FGF14: variants seen among roughly 807,000 people sequenced by gnomAD.
FGF14 encodes fibroblast growth factor 14.
FGF14 carries 5 observed loss-of-function variants against 25.5 expected under a neutral mutation model. The ratio of observed to expected loss-of-function variants is 0.20; its 90% confidence interval spans 0.10 to 0.41. The LOEUF is 0.41. FGF14 is among the 10% of genes least tolerant of loss of function. FGF14 has a pLI of 1.00. For missense variants in FGF14, 222 were observed against 320.1 expected (o/e 0.69, Z 2.34); for synonymous variants, 138 against 118.3 (o/e 1.17, Z -1.08).
chr13:102,017,961 A>G (rs777310070), intron 1 of FGF14, among the ~76,000 whole-genome samples: 1 of 152,034 alleles, frequency 6.6e-6, no homozygotes, highest in Non-Finnish European at 1.5e-5. Flanking sequence ...TCAAATTTCC[A>G]ATCTCCTTTT....
chr13:102,102,496 C>G (rs1390713972), intron 1 of FGF14, among the ~76,000 whole-genome samples: 1 of 152,138 alleles, frequency 6.6e-6, no homozygotes, highest in African/African-American at 2.4e-5. Context: ...GGAGTAGGAG[C>G]TTTTGCCCAA....
intron 1 of FGF14, among the ~76,000 whole-genome samples, chr13:102,229,636 T>A (rs2050988141): frequency 6.6e-6 from 1 of 152,160 alleles, no homozygotes; most frequent in South Asian, 2.1e-4. Context: ...CCCTCTCTAG[T>A]CCCTCCTCAG....
At chr13:101,957,496 C>T (rs193258093) in intron 1 of FGF14, among the ~76,000 whole-genome samples, 1 of 152,270 alleles carries the variant, frequency 6.6e-6, no homozygotes, top group East Asian at 1.9e-4. Context: ...GTATGGTCCC[C>T]AGACCAACAG....
chr13:102,236,625 C>T (rs2051338364), intron 1 of FGF14, among the ~76,000 whole-genome samples: 1 of 152,118 alleles, frequency 6.6e-6, no homozygotes, highest in Non-Finnish European at 1.5e-5. Context: ...GCCTGGTTTC[C>T]CTCCCCCAGG....
chr13:102,347,649 A>G (rs2057151259), intron 1 of FGF14, among the ~76,000 whole-genome samples: 1 of 152,200 alleles, frequency 6.6e-6, no homozygotes, highest in Non-Finnish European at 1.5e-5. Flanking sequence ...CCTGGCCATG[A>G]AACACACCTA....
chr13:101,954,738 G>T (rs73567900), intron 1 of FGF14, among the ~76,000 whole-genome samples: 2,223 of 152,304 alleles, frequency 0.015, 58 homozygotes, highest in African/African-American at 0.051. Flanking sequence ...GCACGAGTGT[G>T]TGCACATGCA....
At chr13:102,067,953 C>A (rs565614895) in intron 1 of FGF14, among the ~76,000 whole-genome samples, 1 of 152,062 alleles carries the variant, frequency 6.6e-6, no homozygotes, top group African/African-American at 2.4e-5. Flanking sequence ...CACTCCAATA[C>A]GTCTGGCAGC....
chr13:101,833,727 C>T (rs113453352), intron 3 of FGF14, among the ~76,000 whole-genome samples: 31 of 152,178 alleles, frequency 2.0e-4, no homozygotes, highest in African/African-American at 6.3e-4. Context: ...CTAGTTTGCA[C>T]ACAGTTCAAA....
At chr13:102,222,845 G>A (rs2050674742) in intron 1 of FGF14, among the ~76,000 whole-genome samples, 1 of 152,068 alleles carries the variant, frequency 6.6e-6, no homozygotes, top group South Asian at 2.1e-4. Flanking sequence ...GTCCTCTAAG[G>A]GAATCTGTCC....
In FGF14 at chr13:101,715,719, G is replaced by A; in HGVS notation, c.*7112C>T. 1 of 1,028,864 alleles carries A rather than the reference G, an allele frequency of 9.7e-7. No individual in the cohort carries two copies. The highest frequency in any genetic ancestry group is 1.5e-6 in the Non-Finnish European group (1 of 646,936). The allele number at this position is 1,028,864 out of a possible 1,614,324, so 63.7% of individuals were successfully genotyped here. A position where few individuals can be genotyped will look rare whatever the true frequency, so the allele number is the denominator to read the frequency against. On this transcript the variant is annotated 3_prime_UTR_variant, in exon 5 of 5. Transcript: ENST00000376143. ...GCCATTAGAACAGATAAATGCGAAGGAAACCATGTATATTCACCACTAGGA... is the reference window on the plus strand; with the variant it reads ...GCCATTAGAACAGATAAATGCGAAGAAAACCATGTATATTCACCACTAGGA...
At chr13:102,328,172 T>G (rs986566220) in intron 1 of FGF14, among the ~76,000 whole-genome samples, 2 of 152,180 alleles carry the variant, frequency 1.3e-5, no homozygotes, top group African/African-American at 4.8e-5. Context: ...GTACTTGAAT[T>G]TTAACATAAA....
chr13:101,743,026 C>T (rs1407030006), intron 3 of FGF14, among the ~76,000 whole-genome samples: 1 of 152,166 alleles, frequency 6.6e-6, no homozygotes, highest in Non-Finnish European at 1.5e-5. Flanking sequence ...CTACCTATGA[C>T]CTGGAAGTCC....
intron 1 of FGF14, among the ~76,000 whole-genome samples, chr13:102,320,712 T>C (rs114428936): frequency 6.6e-6 from 1 of 152,194 alleles, no homozygotes; most frequent in Non-Finnish European, 1.5e-5. Context: ...GAGATATAGC[T>C]GAGCAGCATC....
intron 1 of FGF14, among the ~76,000 whole-genome samples, chr13:101,896,301 T>C (rs1221617602): frequency 6.6e-6 from 1 of 152,182 alleles, no homozygotes; most frequent in Non-Finnish European, 1.5e-5. Flanking sequence ...TTTCAGATGA[T>C]GGCACTCACA....
At chr13:101,789,072 G>C (rs1433075170) in intron 3 of FGF14, among the ~76,000 whole-genome samples, 2 of 151,352 alleles carry the variant, frequency 1.3e-5, no homozygotes, top group Admixed American at 6.6e-5. Flanking sequence ...TCTTTCTTCA[G>C]GGATTTATTA....
intron 3 of FGF14, among the ~76,000 whole-genome samples, chr13:101,776,690 G>A (rs1028813737): frequency 6.6e-6 from 1 of 152,156 alleles, no homozygotes; most frequent in Non-Finnish European, 1.5e-5. Flanking sequence ...CATGAAGCAT[G>A]TTCTATAGCT....
chr13:102,312,070 T>A (rs2138688730), intron 1 of FGF14, among the ~76,000 whole-genome samples: 1 of 152,316 alleles, frequency 6.6e-6, no homozygotes, highest in South Asian at 2.1e-4. Context: ...TGACGTTTGG[T>A]ATGTTACCTA....
At chr13:102,282,550 A>T (rs575035882) in intron 1 of FGF14, among the ~76,000 whole-genome samples, 1 of 152,286 alleles carries the variant, frequency 6.6e-6, no homozygotes, top group South Asian at 2.1e-4. Context: ...GCTCTCTACA[A>T]CACAATCTCC....
intron 1 of FGF14, among the ~76,000 whole-genome samples, chr13:101,963,171 T>TTG (rs1355249817): frequency 1.3e-5 from 2 of 152,230 alleles, no homozygotes; most frequent in African/African-American, 4.8e-5. Flanking sequence ...GAATGAAATG[T>TTG]TGGTTTCTTT....
Sources: allele counts gnomAD v4.1 joint callset (sites outside exome capture counted in the v4.1 genomes callset), GRCh38; gene constraint gnomAD v4.1.1; transcripts MANE v1.5; gene names NCBI Gene and HGNC (gene_info 2026-07-23, HGNC 2026-07-21).